Variants in PKD1L1 observed in about 807,000 individuals in gnomAD.
The protein encoded by PKD1L1 is polycystin-1-like protein 1.
Under a neutral mutation model 323.4 loss-of-function variants are expected in PKD1L1, and 236 were observed. That is an observed-to-expected ratio of 0.73 (90% CI 0.66 to 0.81). The LOEUF is 0.81. Among genes scored for constraint, PKD1L1 ranks in the 40% least tolerant of loss-of-function variants. The probability of loss-of-function intolerance (pLI) is 0.00; values close to 1 mark genes in which losing one functional copy is unlikely to be tolerated. For synonymous variants in PKD1L1, 1,344 were observed against 1,335.0 expected (o/e 1.01, Z -0.15); for missense variants, 3,320 against 3,508.0 (o/e 0.95, Z 1.35).
intron 36 of PKD1L1, among the ~76,000 whole-genome samples, chr7:47,838,582 A>C (rs1205439161): frequency 6.6e-6 from 1 of 152,246 alleles, no homozygotes; most frequent in African/African-American, 2.4e-5. Flanking sequence ...ATGTTGAATA[A>C]GAAAGTGCAA....
intron 9 of PKD1L1, among the ~76,000 whole-genome samples, chr7:47,906,498 A>G (rs1026389890): frequency 6.6e-6 from 1 of 152,150 alleles, no homozygotes; most frequent in African/African-American, 2.4e-5. Flanking sequence ...ATGTACACAC[A>G]TATCACACAT....
rs924338918 is a variant in PKD1L1 at position 47,835,031 on chromosome 7, C to T, written c.6063G>A (p.Pro2021=). Residue 2021 remains proline, a synonymous_variant, in exon 39 of 57, where the codon CCG becomes CCA. Transcript: ENST00000289672. ...SLLFRLSKEA[P]GSARVEPHSP... is the part of the protein sequence containing the mutation. ...TGTGTGGCTCCACTCGGGCAGACCCCGGGGCTTCCTGCAGAAGGAAAGAGG... is the reference window on the plus strand; with the variant it reads ...TGTGTGGCTCCACTCGGGCAGACCCTGGGGCTTCCTGCAGAAGGAAAGAGG... The T allele has an allele frequency of 4.3e-6, 7 of 1,613,698 alleles. No individual in the cohort carries two copies. The highest frequency in any genetic ancestry group is 2.7e-5 in the African/African-American group (2 of 74,904).
At chr7:47,860,630 A>G (rs1240525122) in intron 26 of PKD1L1, among the ~76,000 whole-genome samples, 5 of 152,244 alleles carry the variant, frequency 3.3e-5, no homozygotes, top group African/African-American at 9.6e-5. Context: ...TAGGACTTAA[A>G]TGAAAGAATA....
At chr7:47,905,385 G>C in intron 10 of PKD1L1, 60 bp from the exon 11 acceptor site, 2 of 1,543,754 alleles carry the variant, frequency 1.3e-6, no homozygotes, top group Non-Finnish European at 1.8e-6. Flanking sequence ...AATCTCCAGA[G>C]AAACTAGTAC....
Position 47,908,106 on chromosome 7 carries a change from A to G in PKD1L1, c.1373T>C (p.Val458Ala), listed in dbSNP as rs1787244357. 6.2e-7 allele frequency: 1 copy of G among 1,613,982 alleles called. No homozygotes were observed. Among genetic ancestry groups the G allele is most frequent in the Admixed American group, 1.7e-5 (1 of 60,006 alleles). Residue 458 changes from valine (V) to alanine (A), a missense_variant, in exon 9 of 57, where the codon GTC becomes GCC. Val to Ala is a moderately conservative substitution (Grantham distance 64). Coordinates refer to ENST00000289672, the MANE Select transcript of PKD1L1 (RefSeq NM_138295.5). ...CTGATTCACTTGGGAGTCAGCAAAG[A>G]CAAGCACTTCATCTTCATGGACACT... ...SSSVHEDEVL[V>A]FADSQVNQKS...
At chr7:47,930,328 A>G (rs1787742513) in intron 6 of PKD1L1, among the ~76,000 whole-genome samples, 1 of 152,004 alleles carries the variant, frequency 6.6e-6, no homozygotes, top group African/African-American at 2.4e-5. Context: ...ACACGGTGAA[A>G]CCCGGTCTCT....
chr7:47,959,918 G>C, the PKD1L1 span, among the ~76,000 whole-genome samples: 25 of 151,916 alleles, frequency 1.6e-4, no homozygotes, highest in Middle Eastern at 6.8e-3. Flanking sequence ...GCGGTTTTGT[G>C]GAATAGAAAG....
intron 9 of PKD1L1, among the ~76,000 whole-genome samples, chr7:47,906,392 T>C (rs1787207574): frequency 1.3e-5 from 2 of 152,194 alleles, no homozygotes; most frequent in African/African-American, 4.8e-5. Context: ...TATATATACA[T>C]GTACACACAC....
At chr7:47,844,084 G>C (rs1378049964) in intron 33 of PKD1L1, among the ~76,000 whole-genome samples, 1 of 152,116 alleles carries the variant, frequency 6.6e-6, no homozygotes, top group Non-Finnish European at 1.5e-5. Context: ...CCTCTCTCTG[G>C]ACATCTTCCA....
rs1386084914 is a variant in PKD1L1, at chr7:47,837,112, A to G, written c.5770-18T>C. On this transcript the variant is annotated intron_variant, in intron 36 of 56. Coordinates refer to ENST00000289672, the MANE Select transcript of PKD1L1 (RefSeq NM_138295.5). ...TAGAAAAGCTGAAACGGAAAGCAGG[A>G]GAAGTGTTCCCTGACATGGAGCATT... The G allele has an allele frequency of 6.2e-7, 1 of 1,612,870 alleles. No homozygotes were observed.
chr7:47,846,856 T>C, intron 32 of PKD1L1, 23 bp downstream of exon 32: 1 of 1,581,840 alleles, frequency 6.3e-7, no homozygotes, highest in Non-Finnish European at 8.6e-7. Flanking sequence ...AAATCTCAGA[T>C]TCTTTCTCAA....
intron 18 of PKD1L1, 66 bp from the exon 19 acceptor site, chr7:47,884,723 G>T: frequency 1.5e-6 from 2 of 1,317,680 alleles, no homozygotes; most frequent in Non-Finnish European, 2.2e-6. Context: ...ATTAACAGCA[G>T]CTCCCCTGAT....
rs114077762 is a variant in PKD1L1, at chr7:47,779,718, G to A, written c.8527-4552C>T. ...AGCAGAAAGTGCGAACATATGGTGC[G>A]GGGCCCACAGATGAGGCCAAAATCT... On this transcript the variant is annotated intron_variant, in intron 56 of 56. Coordinates refer to ENST00000289672, the MANE Select transcript of PKD1L1 (RefSeq NM_138295.5). Among the ~76,000 whole-genome samples the A allele has an allele frequency of 3.9e-3, 599 of 152,230 alleles. 3 individuals are homozygous for A. Among genetic ancestry groups the A allele is most frequent in the African/African-American group, 0.013 (556 of 41,536 alleles).
chr7:47,836,678 G>A (rs763726173), intron 37 of PKD1L1, among the ~76,000 whole-genome samples: 14 of 152,224 alleles, frequency 9.2e-5, no homozygotes, highest in Non-Finnish European at 1.6e-4. Flanking sequence ...TGCTGGGCCT[G>A]GGCACGAGCT....
rs748624177 is a variant in PKD1L1 at position 47,792,644 on chromosome 7, T to C, written c.8509A>G (p.Ser2837Gly). The C allele has an allele frequency of 2.4e-5, 38 of 1,613,128 alleles. 1 individual carries two copies. In the South Asian group the frequency reaches 3.9e-4, roughly 16 times the overall value. Reference sequence around the variant, plus strand: ...GGTCTTACCTCAGCAGCTTGGTAACTAGAAATGTCCACTAAGGGACTCTCT... The same window carrying C: ...GGTCTTACCTCAGCAGCTTGGTAACCAGAAATGTCCACTAAGGGACTCTCT... ...TEESPLVDIS[S>G]YQAAEPADIK... The change falls in exon 56 of 57, where the codon AGT becomes GGT. Residue 2837 changes from serine (S) to glycine (G), a missense_variant. By Grantham distance (56) the Ser-to-Gly change is moderately conservative. Coordinates refer to ENST00000289672, the MANE Select transcript of PKD1L1 (RefSeq NM_138295.5).
At chr7:47,874,693 T>G (rs1786365586) in intron 23 of PKD1L1, among the ~76,000 whole-genome samples, 1 of 150,574 alleles carries the variant, frequency 6.6e-6, no homozygotes, top group East Asian at 1.9e-4. Context: ...CAGATAAGGT[T>G]GGTCCTATGC....
At chr7:47,888,580 C>A (rs183066707) in intron 16 of PKD1L1, among the ~76,000 whole-genome samples, 98 of 152,356 alleles carry the variant, frequency 6.4e-4, no homozygotes, top group African/African-American at 2.2e-3. Flanking sequence ...GCAAACCCAT[C>A]CCCTCCCAAA....
intron 34 of PKD1L1, among the ~76,000 whole-genome samples, chr7:47,841,781 C>T (rs985339855): frequency 6.6e-6 from 1 of 151,974 alleles, no homozygotes; most frequent in Non-Finnish European, 1.5e-5. Flanking sequence ...GGCACCCCAC[C>T]ATTTTTTACT....
chr7:47,899,621 TC>T (rs1787034906), intron 13 of PKD1L1, among the ~76,000 whole-genome samples: 1 of 149,818 alleles, frequency 6.7e-6, no homozygotes, highest in Non-Finnish European at 1.5e-5. Flanking sequence ...GTGCAGGGTC[TC>T]CCCCAGAGGG....
Sources: allele counts gnomAD v4.1 joint callset (sites outside exome capture counted in the v4.1 genomes callset), GRCh38; gene constraint gnomAD v4.1.1; transcripts MANE v1.5; gene names NCBI Gene and HGNC (gene_info 2026-07-23, HGNC 2026-07-21).